Variants in SLC20A2 observed in about 807,000 individuals in gnomAD.
The protein encoded by SLC20A2 is sodium-dependent phosphate transporter 2.
Under a neutral mutation model 61.0 loss-of-function variants are expected in SLC20A2, and 30 were observed. That is an observed-to-expected ratio of 0.49 (90% CI 0.37 to 0.67). The LOEUF is 0.67. Ranked by LOEUF, SLC20A2 falls within the 30% of genes least tolerant of loss-of-function variation. The probability of loss-of-function intolerance (pLI) is 0.00; values close to 1 mark genes in which losing one functional copy is unlikely to be tolerated. For missense variants in SLC20A2, 626 were observed against 866.4 expected, an observed-to-expected ratio of 0.72 and a Z score of 3.48; for synonymous variants, 351 against 353.3, an observed-to-expected ratio of 0.99 and a Z score of 0.07.
upstream of SLC20A2, among the ~76,000 whole-genome samples, chr8:42,502,888 T>C (rs1159144886): frequency 6.6e-6 from 1 of 152,286 alleles, no homozygotes; most frequent in Non-Finnish European, 1.5e-5. Context: ...ATTCTCATCC[T>C]ATTATGTCAT....
In SLC20A2 at chr8:42,441,467, G is replaced by T. The variant is rs186870931; in HGVS notation, c.731-1814C>A. Among the ~76,000 whole-genome samples, 61 of 146,852 alleles carry T rather than the reference G, an allele frequency of 4.2e-4. 1 individual carries two copies. The highest frequency in any genetic ancestry group is 1.5e-3 in the African/African-American group (57 of 37,986). ...GTGCCTGGGCTATTTTGTTCTTTTT[G>T]TTTGTTTGTTTGTTTGTTTTGAGAC... On this transcript the variant is annotated intron_variant, in intron 6 of 10. Coordinates refer to ENST00000520262, the MANE Select transcript of SLC20A2 (RefSeq NM_001257180.2).
chr8:42,539,431 C>G (rs535223764), intron 1 of SLC20A2, among the ~76,000 whole-genome samples: 1 of 152,282 alleles, frequency 6.6e-6, no homozygotes, highest in African/African-American at 2.4e-5. Flanking sequence ...AATCAAAAAA[C>G]TTACTATTAA....
At chr8:42,532,753 C>G (rs73675078) in intron 1 of SLC20A2, among the ~76,000 whole-genome samples, 12,752 of 152,166 alleles carry the variant, frequency 0.084, 1,169 homozygotes, top group African/African-American at 0.22. Context: ...AGATAAGACA[C>G]ACGGGAGACC....
At chr8:42,532,712 A>C (rs570454571) in intron 1 of SLC20A2, among the ~76,000 whole-genome samples, 1 of 152,338 alleles carries the variant, frequency 6.6e-6, no homozygotes, top group Admixed American at 6.5e-5. Flanking sequence ...AGAAAACAAA[A>C]TAAATGTGGA....
intron 1 of SLC20A2, among the ~76,000 whole-genome samples, chr8:42,522,964 A>G (rs565278279): frequency 2.2e-4 from 33 of 151,086 alleles, no homozygotes; most frequent in African/African-American, 7.6e-4. Context: ...GCCTCAAGCA[A>G]TTCTCCCACT....
rs991935005 is a variant in SLC20A2 at position 42,521,413 on chromosome 8, G to A, written c.-265+20408C>T. 2.8e-3 allele frequency among the ~76,000 whole-genome samples: 339 copies of A among 121,544 alleles called. 37 individuals are homozygous for A. The highest frequency in any genetic ancestry group is 8.0e-3 in the African/African-American group (319 of 39,652). The allele number at this position is 121,544 out of a possible 152,430, so 79.7% of individuals were successfully genotyped here. On this transcript the variant is annotated intron_variant, in intron 1 of 10. Transcript: ENST00000342228. ...ATATAGTATTCTCAAAATGAGATCA[G>A]ATTAGTGGCTACCAGCAGTTAGGGG...
intron 5 of SLC20A2, among the ~76,000 whole-genome samples, chr8:42,453,325 T>G (rs903987898): frequency 6.6e-6 from 1 of 152,230 alleles, no homozygotes; most frequent in Non-Finnish European, 1.5e-5. Context: ...GTCATTTTTT[T>G]AAGAACAAAA....
At chr8:42,474,091 A>C (rs1807865056) in intron 1 of SLC20A2, among the ~76,000 whole-genome samples, 1 of 152,098 alleles carries the variant, frequency 6.6e-6, no homozygotes, top group South Asian at 2.1e-4. Context: ...GAATCGCTTG[A>C]ACCTGGGAGG....
chr8:42,518,428 A>G (rs1024483181), intron 1 of SLC20A2, among the ~76,000 whole-genome samples: 3 of 152,236 alleles, frequency 2.0e-5, no homozygotes, highest in Admixed American at 2.0e-4. Context: ...CTGGAGGCAT[A>G]TCTATGATAT....
intron 5 of SLC20A2, among the ~76,000 whole-genome samples, chr8:42,454,232 G>A (rs1402302112): frequency 6.6e-6 from 1 of 152,152 alleles, no homozygotes; most frequent in African/African-American, 2.4e-5. Flanking sequence ...TCGATCTCCT[G>A]ACCTCATGAT....
intron 1 of SLC20A2, among the ~76,000 whole-genome samples, chr8:42,520,689 G>A (rs1000395369): frequency 2.6e-5 from 3 of 115,738 alleles, no homozygotes; most frequent in African/African-American, 7.8e-5. Context: ...TCATGCCACT[G>A]CACTCCAGCC....
chr8:42,442,354 A>C (rs1804855883), intron 6 of SLC20A2, among the ~76,000 whole-genome samples: 1 of 152,138 alleles, frequency 6.6e-6, no homozygotes, highest in Admixed American at 6.5e-5. Context: ...TTTAAATTTT[A>C]TATTTAGATC....
intron 1 of SLC20A2, among the ~76,000 whole-genome samples, chr8:42,485,838 C>T (rs1228099486): frequency 1.3e-5 from 2 of 150,916 alleles, no homozygotes; most frequent in Admixed American, 6.6e-5. Flanking sequence ...CCCAGCTACT[C>T]GAGAGGCTGA....
intron 5 of SLC20A2, among the ~76,000 whole-genome samples, chr8:42,459,235 CAAA>C (rs756966778): frequency 0.038 from 1,356 of 35,838 alleles, 13 homozygotes; most frequent in African/African-American, 0.085. Flanking sequence ...GACTCTATCT[CAAA>C]AAAAAAAAAA....
chr8:42,532,449 C>T (rs1349997798), intron 1 of SLC20A2, among the ~76,000 whole-genome samples: 1 of 152,084 alleles, frequency 6.6e-6, no homozygotes, highest in African/African-American at 2.4e-5. Context: ...GAAATGGCAG[C>T]GTATGACTGT....
At chr8:42,537,274 C>T (rs780952787) in intron 1 of SLC20A2, among the ~76,000 whole-genome samples, 1 of 148,716 alleles carries the variant, frequency 6.7e-6, no homozygotes, top group African/African-American at 2.5e-5. Flanking sequence ...GTCCCAGCTA[C>T]TCTGGAGGCT....
At chr8:42,503,876 A>G (rs749732634), upstream of SLC20A2, among the ~76,000 whole-genome samples, 3 of 152,226 alleles carry the variant, frequency 2.0e-5, no homozygotes, top group Non-Finnish European at 2.9e-5. Context: ...TCAACTAAAT[A>G]CTGGGCATAT....
In SLC20A2 at chr8:42,465,855, T is replaced by G; in HGVS notation, c.352A>C (p.Ile118Leu). ...LRLPISGTHC[I>L]VGSTIGFSLV... ...GAGAATCCTATAGTAGAACCCACAA[T>G]GCAGTGCGTTCCTGAGATTGGAAGC... Residue 118 changes from isoleucine to leucine, a missense_variant, in exon 3 of 11, where the codon ATT (isoleucine) becomes CTT (leucine). Transcript: ENST00000520262. The G allele has an allele frequency of 1.2e-6, 2 of 1,613,544 alleles. No homozygotes were observed.
Position 42,417,701 on chromosome 8 carries a change from C to G in SLC20A2, c.*102G>C. On this transcript the variant is annotated 3_prime_UTR_variant, in exon 11 of 11. Coordinates refer to ENST00000520262, the MANE Select transcript of SLC20A2 (RefSeq NM_001257180.2). The stretch of plus-strand genomic sequence containing the variant: ...AGGCAGAGAGCTGGTCATGAGAGAG[C>G]CGTGCACGGCCAGGATGTGTATGTG... The G allele has an allele frequency of 7.8e-7, 1 of 1,278,186 alleles. No homozygotes were observed. Among genetic ancestry groups the G allele is most frequent in the African/African-American group, 1.5e-5 (1 of 68,662 alleles). The allele number at this position is 1,278,186 out of a possible 1,614,324, so 79.2% of individuals were successfully genotyped here. A position where few individuals can be genotyped will look rare whatever the true frequency, so the allele number is the denominator to read the frequency against.
Sources: allele counts gnomAD v4.1 joint callset (sites outside exome capture counted in the v4.1 genomes callset), GRCh38; gene constraint gnomAD v4.1.1; transcripts MANE v1.5; gene names NCBI Gene and HGNC (gene_info 2026-07-23, HGNC 2026-07-21).